The following LUZP2 variants were observed in gnomAD, a reference collection of about 807,000 sequenced individuals.
LUZP2 encodes leucine zipper protein 2.
In LUZP2, 52 loss-of-function variants were observed where a neutral mutation model predicts 51.6. The ratio of observed to expected loss-of-function variants is 1.01; its 90% confidence interval spans 0.81 to 1.27. The LOEUF is 1.27. Ranked by LOEUF, LUZP2 falls within the 50% of genes most tolerant of loss-of-function variation. LUZP2 has a pLI of 0.00. For missense variants in LUZP2, 436 were observed against 395.4 expected, an observed-to-expected ratio of 1.10 and a Z score of -0.87; for synonymous variants, 154 against 137.3, an observed-to-expected ratio of 1.12 and a Z score of -0.85.
chr11:24,899,231 G>T (rs1407603271), intron 5 of LUZP2, among the ~76,000 whole-genome samples: 1 of 151,598 alleles, frequency 6.6e-6, no homozygotes, highest in Non-Finnish European at 1.5e-5. Flanking sequence ...ATAATGGTTC[G>T]CTCATCTTCA....
intron 5 of LUZP2, among the ~76,000 whole-genome samples, chr11:24,866,412 C>T (rs1046164105): frequency 2.0e-5 from 3 of 152,142 alleles, no homozygotes; most frequent in African/African-American, 7.2e-5. Context: ...ATGCTATTGG[C>T]CATGACAACC....
chr11:25,026,738 C>G (rs1054491082), intron 9 of LUZP2, among the ~76,000 whole-genome samples: 9 of 152,022 alleles, frequency 5.9e-5, no homozygotes, highest in African/African-American at 2.2e-4. Flanking sequence ...TTATATTTTT[C>G]TGACACATGA....
intron 1 of LUZP2, among the ~76,000 whole-genome samples, chr11:24,497,867 T>C (rs1161008473): frequency 6.6e-6 from 1 of 152,216 alleles, no homozygotes; most frequent in Non-Finnish European, 1.5e-5. Context: ...TTTGACTGTC[T>C]TGTGAACAGG....
At chr11:24,685,025 CTGTGTGTGTG>C (rs5741709) in intron 1 of LUZP2, among the ~76,000 whole-genome samples, 6,305 of 147,920 alleles carry the variant, frequency 0.043, 156 homozygotes, top group African/African-American at 0.062. Context: ...GTATTTTGCT[CTGTGTGTGTG>C]TGTGTGTGTG....
At chr11:24,996,572 T>TTTTTTA (rs1554951928) in intron 9 of LUZP2, among the ~76,000 whole-genome samples, 1 of 132,602 alleles carries the variant, frequency 7.5e-6, no homozygotes, top group African/African-American at 2.9e-5. Flanking sequence ...CTTTTTTCTT[T>TTTTTTA]TTTTATTTTA....
At chr11:24,983,483 C>G (rs1202092264) in intron 9 of LUZP2, among the ~76,000 whole-genome samples, 190 bp downstream of exon 9, 1 of 151,706 alleles carries the variant, frequency 6.6e-6, no homozygotes, top group African/African-American at 2.4e-5. Flanking sequence ...TGGAAGGGAG[C>G]TTTTCTTTCA....
intron 5 of LUZP2, among the ~76,000 whole-genome samples, chr11:24,776,948 T>C (rs1195633110): frequency 1.3e-5 from 2 of 152,050 alleles, no homozygotes; most frequent in African/African-American, 2.4e-5. Flanking sequence ...ACAGCCTTCA[T>C]TCCCAACAGG....
At chr11:25,050,364 C>G (rs965711751) in intron 10 of LUZP2, among the ~76,000 whole-genome samples, 19 of 130,458 alleles carry the variant, frequency 1.5e-4, no homozygotes, top group African/African-American at 5.3e-4. Flanking sequence ...TGCAGTGGCA[C>G]AATCTCGGCT....
chr11:24,808,040 G>C (rs1849905182), intron 5 of LUZP2, among the ~76,000 whole-genome samples: 1 of 152,072 alleles, frequency 6.6e-6, no homozygotes, highest in African/African-American at 2.4e-5. Flanking sequence ...TGGGAATTGT[G>C]AAACAGTGAT....
chr11:24,777,529 C>T (rs995224490), intron 5 of LUZP2, among the ~76,000 whole-genome samples: 3 of 152,074 alleles, frequency 2.0e-5, no homozygotes, highest in African/African-American at 4.8e-5. Context: ...TAGTGGATTC[C>T]TAATGAAAAT....
chr11:24,826,938 A>G (rs1564949493), intron 5 of LUZP2, among the ~76,000 whole-genome samples: 2 of 152,168 alleles, frequency 1.3e-5, no homozygotes, highest in Non-Finnish European at 2.9e-5. Context: ...AATATGCAAC[A>G]CAGAACAATT....
chr11:24,778,119 A>G (rs1470467218), intron 5 of LUZP2, among the ~76,000 whole-genome samples: 1 of 152,124 alleles, frequency 6.6e-6, no homozygotes, highest in Non-Finnish European at 1.5e-5. Flanking sequence ...ACGTATAGTA[A>G]GCTGGGCACA....
At chr11:24,566,370 G>A (rs1451750386) in intron 1 of LUZP2, among the ~76,000 whole-genome samples, 3 of 132,826 alleles carry the variant, frequency 2.3e-5, no homozygotes, top group Admixed American at 8.2e-5. Flanking sequence ...TCACTCTGTC[G>A]CCAGGCTGAA....
chr11:24,744,880 G>A (rs540935224), intron 4 of LUZP2, among the ~76,000 whole-genome samples: 31 of 152,098 alleles, frequency 2.0e-4, no homozygotes, highest in East Asian at 9.7e-4. Context: ...CACCTTTCCC[G>A]TATCCCAGAG....
chr11:24,714,628 T>C (rs1416987327), intron 1 of LUZP2, among the ~76,000 whole-genome samples: 3 of 152,128 alleles, frequency 2.0e-5, no homozygotes, highest in Non-Finnish European at 2.9e-5. Context: ...CATACGTTCA[T>C]CTACAACAGC....
intron 1 of LUZP2, among the ~76,000 whole-genome samples, chr11:24,660,855 A>G (rs1187509195): frequency 6.6e-6 from 1 of 152,138 alleles, no homozygotes; most frequent in Non-Finnish European, 1.5e-5. Flanking sequence ...ATGATAAAAG[A>G]TATGAAATAA....
chr11:25,043,584 A>T lies in LUZP2; in HGVS notation c.766-6454A>T, dbSNP rs552450764. Among the ~76,000 whole-genome samples, 782 of 151,098 alleles carry T rather than the reference A, an allele frequency of 5.2e-3. 5 individuals are homozygous for T. Among genetic ancestry groups the T allele is most frequent in the South Asian group, 0.021 (97 of 4,634 alleles). Reference sequence around the variant, plus strand: ...AGGATATATGTATCCAGGATATATGATATATATATATCCTTGATTAAATTA... The same window carrying T: ...AGGATATATGTATCCAGGATATATGTTATATATATATCCTTGATTAAATTA... On this transcript the variant is annotated intron_variant, in intron 9 of 11. Transcript: ENST00000336930.
At chr11:25,074,653 CATTAT>C (rs1168945936) in intron 10 of LUZP2, among the ~76,000 whole-genome samples, 4 of 152,046 alleles carry the variant, frequency 2.6e-5, no homozygotes, top group Non-Finnish European at 4.4e-5. Context: ...GAAATACGTA[CATTAT>C]ATCTCCTTCT....
intron 1 of LUZP2, among the ~76,000 whole-genome samples, chr11:24,546,301 A>G: frequency 6.6e-6 from 1 of 152,046 alleles, no homozygotes; most frequent in Non-Finnish European, 1.5e-5. Context: ...TGCTCTGGCC[A>G]AAACTTCCAA....
Sources: allele counts gnomAD v4.1 joint callset (sites outside exome capture counted in the v4.1 genomes callset), GRCh38; gene constraint gnomAD v4.1.1; transcripts MANE v1.5; gene names NCBI Gene and HGNC (gene_info 2026-07-23, HGNC 2026-07-21).